Variants in ZMYND8 observed in about 807,000 individuals in gnomAD.
ZMYND8 encodes zinc finger MYND-type containing 8.
A neutral mutation model predicts 140.8 loss-of-function variants in ZMYND8; 37 were observed. The observed-to-expected ratio is 0.26, with a 90% CI of 0.20 to 0.35. The LOEUF is 0.35. Ranked by LOEUF, ZMYND8 falls within the 10% of genes least tolerant of loss-of-function variation. The pLI is 1.00. For synonymous variants in ZMYND8, 592 were observed against 597.1 expected, an observed-to-expected ratio of 0.99 and a Z score of 0.12; for missense variants, 1,068 against 1,570.0, an observed-to-expected ratio of 0.68 and a Z score of 5.40.
At chr20:47,230,500 G>T (rs1341251131) in intron 16 of ZMYND8, among the ~76,000 whole-genome samples, 1 of 151,886 alleles carries the variant, frequency 6.6e-6, no homozygotes, top group South Asian at 2.1e-4. Flanking sequence ...CACCATGTTG[G>T]TCAGGCTGGT....
intron 6 of ZMYND8, among the ~76,000 whole-genome samples, chr20:47,290,475 A>C (rs1346224232): frequency 1.3e-5 from 2 of 152,156 alleles, no homozygotes; most frequent in African/African-American, 4.8e-5. Context: ...ATAACCCTAT[A>C]AAAATGCACT....
chr20:47,223,116 T>C (rs1029291681), intron 19 of ZMYND8, among the ~76,000 whole-genome samples: 1 of 152,266 alleles, frequency 6.6e-6, no homozygotes, highest in Non-Finnish European at 1.5e-5. Flanking sequence ...TTTATTGTAT[T>C]ATTTATGGGA....
chr20:47,257,163 C>T (rs2074797459), intron 12 of ZMYND8, among the ~76,000 whole-genome samples: 1 of 152,042 alleles, frequency 6.6e-6, no homozygotes, highest in South Asian at 2.1e-4. Flanking sequence ...AGAGGAAAGG[C>T]CCCAGACAGC....
intron 16 of ZMYND8, among the ~76,000 whole-genome samples, chr20:47,231,404 C>CA (rs1454538997): frequency 6.6e-6 from 1 of 151,974 alleles, no homozygotes; most frequent in South Asian, 2.1e-4. Context: ...GGTTTCCCCA[C>CA]AAAAAAACAA....
intron 2 of ZMYND8, among the ~76,000 whole-genome samples, chr20:47,346,436 C>T (rs962179629): frequency 1.3e-5 from 2 of 152,128 alleles, no homozygotes; most frequent in Non-Finnish European, 2.9e-5. Flanking sequence ...CCTCTGCCTC[C>T]GCCCAGCCTC....
intron 1 of ZMYND8, among the ~76,000 whole-genome samples, chr20:47,350,685 G>T (rs540442547): frequency 1.1e-4 from 16 of 152,104 alleles, no homozygotes; most frequent in Non-Finnish European, 2.4e-4. Flanking sequence ...AAAATACTCT[G>T]AACTTCTGTC....
At chr20:47,268,395 G>A (rs926374264) in intron 11 of ZMYND8, among the ~76,000 whole-genome samples, 31 of 147,968 alleles carry the variant, frequency 2.1e-4, no homozygotes, top group African/African-American at 7.2e-4. Flanking sequence ...CCGGGTTCAC[G>A]CCATTCTCCT....
intron 15 of ZMYND8, 149 bp downstream of exon 15, chr20:47,238,609 G>A (rs935549341): frequency 2.2e-6 from 3 of 1,375,044 alleles, no homozygotes; most frequent in Non-Finnish European, 2.9e-6. Flanking sequence ...TAAAAATAAT[G>A]CCAAATGGAA....
chr20:47,288,122 A>G (rs2077037189), intron 7 of ZMYND8, among the ~76,000 whole-genome samples: 1 of 152,140 alleles, frequency 6.6e-6, no homozygotes, highest in Non-Finnish European at 1.5e-5. Flanking sequence ...ACACACACAA[A>G]CACACAATAT....
At position 47,310,128 on chromosome 20, in the gene ZMYND8, C is replaced by A. The variant is rs768225883; in HGVS notation, c.162G>T (p.Pro54=). Reference sequence around the variant, plus strand: ...TAATGGGGCTTGTTGATGTGTCCTGCGGCGAGTGGCCATTGGAAGAATGTG... The same window carrying A: ...TAATGGGGCTTGTTGATGTGTCCTGAGGCGAGTGGCCATTGGAAGAATGTG... ...SPPHSSNGHS[P]QDTSTSPIKK... Residue 54 remains proline, a synonymous_variant, in exon 3 of 23, where the codon CCG becomes CCT. Transcript: ENST00000471951. 14 of 1,613,886 alleles carry A rather than the reference C, an allele frequency of 8.7e-6. No homozygotes were observed. The South Asian group carries it at 1.4e-4, about 16-fold the overall frequency.
chr20:47,236,193 GT>G, intron 16 of ZMYND8, 132 bp downstream of exon 16: 1 of 1,064,950 alleles, frequency 9.4e-7, no homozygotes, highest in Non-Finnish European at 1.3e-6. Context: ...TGGAGATTCT[GT>G]TTTTAAAAAA....
chr20:47,304,316 T>C (rs1242707697), intron 3 of ZMYND8, among the ~76,000 whole-genome samples: 1 of 152,262 alleles, frequency 6.6e-6, no homozygotes, highest in Non-Finnish European at 1.5e-5. Context: ...AAACTTTTCC[T>C]ATAAAGGCTT....
intron 1 of ZMYND8, chr20:47,352,369 A>G: frequency 1.2e-6 from 1 of 828,150 alleles, no homozygotes; most frequent in Non-Finnish European, 1.5e-6. Context: ...CCAAATACCC[A>G]GCCCTCTGAA....
chr20:47,330,449 C>T (rs564450950), intron 2 of ZMYND8, among the ~76,000 whole-genome samples: 15 of 151,404 alleles, frequency 9.9e-5, no homozygotes, highest in African/African-American at 3.6e-4. Context: ...AGCTATCCTC[C>T]TGCCTCAGCC....
intron 11 of ZMYND8, among the ~76,000 whole-genome samples, chr20:47,275,658 A>G (rs1268276509): frequency 6.6e-6 from 1 of 152,124 alleles, no homozygotes; most frequent in African/African-American, 2.4e-5. Context: ...GCTGGAATAC[A>G]ACAGCGCAAT....
At chr20:47,349,170 G>A (rs960675224) in intron 1 of ZMYND8, 1 of 152,244 alleles carries the variant, frequency 6.6e-6, no homozygotes, top group East Asian at 1.9e-4. Context: ...CACGTTAGGA[G>A]GAGAGGACTT....
chr20:47,313,514 C>A (rs2079124295), intron 2 of ZMYND8, among the ~76,000 whole-genome samples: 1 of 151,704 alleles, frequency 6.6e-6, no homozygotes, highest in Non-Finnish European at 1.5e-5. Flanking sequence ...CCCAGCTACT[C>A]GGGAGGCTGA....
intron 12 of ZMYND8, among the ~76,000 whole-genome samples, chr20:47,253,725 T>C (rs999446680): frequency 2.0e-5 from 3 of 152,214 alleles, no homozygotes; most frequent in Non-Finnish European, 2.9e-5. Flanking sequence ...AAAAGAGACC[T>C]AGACCTCACC....
rs759651588 is a variant in ZMYND8, at chr20:47,276,378, C to T, written c.1416G>A (p.Lys472=). 1.2e-4 allele frequency: 189 copies of T among 1,605,390 alleles called. No homozygotes were observed. The highest frequency in any genetic ancestry group is 1.5e-4 in the Non-Finnish European group (180 of 1,172,976). ...TGSDVEQDAE[K]KATSSHFSAS... The stretch of plus-strand genomic sequence containing the variant: ...CACTGAAGTGGCTCGACGTGGCCTT[C>T]TTCTCAGCATCCTGCTCCACGTCGG... Residue 472 remains lysine (K), a synonymous_variant, in exon 11 of 23, where the codon AAG becomes AAA. Coordinates refer to ENST00000471951, the MANE Select transcript of ZMYND8 (RefSeq NM_001281775.3).
Sources: gnomAD v4.1 joint callset for allele counts (sites outside exome capture counted in the v4.1 genomes callset) on GRCh38, gnomAD v4.1.1 for gene constraint, MANE v1.5 for transcripts, NCBI Gene and HGNC (gene_info 2026-07-23, HGNC 2026-07-21) for gene names.